The following GPRC5B variants were observed in gnomAD, a reference collection of about 807,000 sequenced individuals.
GPRC5B encodes the protein G protein-coupled receptor class C group 5 member B.
A neutral mutation model predicts 30.1 loss-of-function variants in GPRC5B; 16 were observed. That is an observed-to-expected ratio of 0.53 (90% CI 0.36 to 0.81). The LOEUF (loss-of-function observed/expected upper bound fraction) is 0.81, where lower values mean the gene tolerates loss of function less well. Among genes scored for constraint, GPRC5B ranks in the 30% least tolerant of loss-of-function variants. The pLI, the probability that GPRC5B is intolerant of heterozygous loss-of-function variation, is 0.01. For synonymous variants in GPRC5B, 241 were observed against 239.5 expected, an observed-to-expected ratio of 1.01 and a Z score of -0.06; for missense variants, 428 against 544.7, an observed-to-expected ratio of 0.79 and a Z score of 2.13.
chr16:19,868,784 G>T (rs1019375214), intron 2 of GPRC5B, among the ~76,000 whole-genome samples: 3 of 152,192 alleles, frequency 2.0e-5, no homozygotes, highest in African/African-American at 7.2e-5. Flanking sequence ...ATCTGGCCAG[G>T]GGGAGGGGGC....
At chr16:19,885,554 G>C, upstream of GPRC5B, 1 of 1,089,124 alleles carries the variant, frequency 9.2e-7, no homozygotes, top group Non-Finnish European at 1.1e-6. The surrounding 1 kb of genome is among the most constrained non-coding windows in gnomAD (Gnocchi z 5.3). Context: ...CCCCTCACGT[G>C]GGTCCCTACG....
intron 1 of GPRC5B, among the ~76,000 whole-genome samples, chr16:19,878,641 C>T (rs2056779364): frequency 6.6e-6 from 1 of 152,222 alleles, no homozygotes; most frequent in Middle Eastern, 3.4e-3. Flanking sequence ...TCACCATTCC[C>T]CTCTTCCCCC....
chr16:19,885,436 C>T, upstream of GPRC5B: 1 of 1,137,474 alleles, frequency 8.8e-7, no homozygotes, highest in East Asian at 8.2e-5. This position sits in a 1 kb window ranked among gnomAD's most constrained non-coding sequence, Gnocchi z 5.3. Flanking sequence ...TGGACACACT[C>T]TTCTCTCTCC....
intron 1 of GPRC5B, among the ~76,000 whole-genome samples, chr16:19,876,785 C>T (rs917463198): frequency 1.3e-5 from 2 of 152,220 alleles, no homozygotes; most frequent in Non-Finnish European, 2.9e-5. Context: ...GGGTGGAACG[C>T]TCTGCTCTTC....
chr16:19,882,863 C>G (rs991899274), intron 1 of GPRC5B, among the ~76,000 whole-genome samples: 2 of 152,164 alleles, frequency 1.3e-5, no homozygotes, highest in Admixed American at 1.3e-4. Flanking sequence ...TTCAGTTCCT[C>G]TAAGCTCATT....
chr16:19,870,683 T>C (rs1222698792), intron 2 of GPRC5B, among the ~76,000 whole-genome samples: 1 of 152,210 alleles, frequency 6.6e-6, no homozygotes, highest in African/African-American at 2.4e-5. Context: ...GGTTGAAGAC[T>C]CAAATGCTTT....
At chr16:19,873,009 G>A (rs745723877) in intron 1 of GPRC5B, among the ~76,000 whole-genome samples, 163 bp from the exon 2 acceptor site, 49 of 152,108 alleles carry the variant, frequency 3.2e-4, no homozygotes, top group Non-Finnish European at 2.5e-4. Context: ...CCTCAGGCAC[G>A]GAGGTTTTGG....
chr16:19,871,654 A>G (rs550367780), intron 2 of GPRC5B, among the ~76,000 whole-genome samples, 162 bp downstream of exon 2: 3 of 152,256 alleles, frequency 2.0e-5, no homozygotes, highest in South Asian at 4.1e-4. Flanking sequence ...ACCCAAACCC[A>G]TATCTGGGTC....
chr16:19,876,203 CAGTTGCAGTTTTGACCCCA>C (rs1178275052), intron 1 of GPRC5B, among the ~76,000 whole-genome samples: 3 of 152,342 alleles, frequency 2.0e-5, no homozygotes, highest in Admixed American at 2.0e-4. Flanking sequence ...GGTTCCGAAC[CAGTTGCAGTTTTGACCCCA>C]AGGGGACATT....
In GPRC5B at chr16:19,859,983, A is replaced by C. The variant is rs1597621256; in HGVS notation, c.*517T>G. ...ACCCACAACCTCCTTAACTCTCCTGACCCCCCTGAAATGTGCAAACCACCA... is the reference window on the plus strand; with the variant it reads ...ACCCACAACCTCCTTAACTCTCCTGCCCCCCCTGAAATGTGCAAACCACCA... On this transcript the variant is annotated 3_prime_UTR_variant, in exon 4 of 4. Coordinates refer to ENST00000300571, the MANE Select transcript of GPRC5B (RefSeq NM_016235.3). 6.5e-6 allele frequency: 1 copy of C among 153,720 alleles called. No homozygotes were observed. 9.5% of individuals were successfully genotyped at this position (153,720 alleles called of 1,614,324 possible). A position where few individuals can be genotyped will look rare whatever the true frequency, so the allele number is the denominator to read the frequency against.
intron 2 of GPRC5B, among the ~76,000 whole-genome samples, chr16:19,864,799 G>GGCAA (rs1282358043): frequency 1.3e-5 from 2 of 152,196 alleles, no homozygotes; most frequent in Non-Finnish European, 2.9e-5. Context: ...CTCCTCCTGT[G>GGCAA]GCAAGGGAGC....
chr16:19,873,798 GA>G (rs2056741191), intron 1 of GPRC5B, among the ~76,000 whole-genome samples: 1 of 152,048 alleles, frequency 6.6e-6, no homozygotes, highest in Non-Finnish European at 1.5e-5. Context: ...GTTTTTATTT[GA>G]GACGGAGTCT....
upstream of GPRC5B, chr16:19,885,101 TC>T (rs1161258061): frequency 5.7e-6 from 5 of 874,444 alleles, no homozygotes; most frequent in Non-Finnish European, 8.1e-6. The surrounding 1 kb of genome is among the most constrained non-coding windows in gnomAD (Gnocchi z 5.3). Context: ...TCGGGGACAT[TC>T]CCCCCACAAC....
At chr16:19,878,228 A>C (rs1634671) in intron 1 of GPRC5B, among the ~76,000 whole-genome samples, 3,590 of 131,462 alleles carry the variant, frequency 0.027, 65 homozygotes, top group African/African-American at 0.057. Context: ...AACAAACAAA[A>C]AAACCCAAAG....
chr16:19,884,749 C>T lies in GPRC5B; in HGVS notation c.-24G>A. ...TACCGACCCCCGCGGCCCCGCAGCG[C>T]CGACGCTCCAGCTGGCCTTCGGCCC... On this transcript the variant is annotated 5_prime_UTR_variant, in exon 1 of 4. Coordinates refer to ENST00000300571, the MANE Select transcript of GPRC5B (RefSeq NM_016235.3). The T allele has an allele frequency of 1.0e-6, 1 of 985,032 alleles. No individual in the cohort carries two copies. Among genetic ancestry groups the T allele is most frequent in the Non-Finnish European group, 1.2e-6 (1 of 829,750 alleles). 61.0% of individuals were successfully genotyped at this position (985,032 alleles called of 1,614,324 possible). A position where few individuals can be genotyped will look rare whatever the true frequency, so the allele number is the denominator to read the frequency against.
chr16:19,885,623 T>C (rs968586268), upstream of GPRC5B: 4 of 1,010,096 alleles, frequency 4.0e-6, no homozygotes, highest in African/African-American at 1.7e-5. The surrounding 1 kb of genome is among the most constrained non-coding windows in gnomAD (Gnocchi z 5.3). Flanking sequence ...TCCACTGCCC[T>C]TCAGGGCTCA....
intron 2 of GPRC5B, among the ~76,000 whole-genome samples, chr16:19,869,930 CT>C (rs1418351340): frequency 2.0e-5 from 3 of 152,094 alleles, no homozygotes; most frequent in Non-Finnish European, 4.4e-5. Context: ...AATAAGTTAA[CT>C]GGGTGTGGTG....
At chr16:19,882,776 C>T (rs2056816926) in intron 1 of GPRC5B, among the ~76,000 whole-genome samples, 1 of 152,194 alleles carries the variant, frequency 6.6e-6, no homozygotes, top group Admixed American at 6.5e-5. Context: ...CCCAAAAGAT[C>T]ATGATCTGGC....
intron 2 of GPRC5B, among the ~76,000 whole-genome samples, chr16:19,864,138 G>A (rs1257283952): frequency 6.6e-6 from 1 of 152,198 alleles, no homozygotes; most frequent in Non-Finnish European, 1.5e-5. Flanking sequence ...TAAGACAAGA[G>A]GTCCCCTTAG....
Sources: allele counts gnomAD v4.1 joint callset (sites outside exome capture counted in the v4.1 genomes callset), GRCh38; gene constraint gnomAD v4.1.1; non-coding constraint Gnocchi (gnomAD v3.1); transcripts MANE v1.5; gene names NCBI Gene and HGNC (gene_info 2026-07-23, HGNC 2026-07-21).